Variants in BRINP3 observed in about 807,000 individuals in gnomAD.
BRINP3 encodes BMP/retinoic acid-inducible neural-specific protein 3.
Under a neutral mutation model 71.0 loss-of-function variants are expected in BRINP3, and 19 were observed. The observed-to-expected ratio is 0.27, with a 90% CI of 0.19 to 0.39. The LOEUF (loss-of-function observed/expected upper bound fraction) is 0.39, where lower values mean the gene tolerates loss of function less well. Ranked by LOEUF, BRINP3 falls within the 10% of genes least tolerant of loss-of-function variation. The pLI is 1.00. For missense variants in BRINP3, 959 were observed against 940.8 expected (o/e 1.02, Z -0.25); for synonymous variants, 380 against 337.7 (o/e 1.13, Z -1.37).
Position 190,255,191 on chromosome 1 carries a change from A to G in BRINP3, c.618+9674T>C, listed in dbSNP as rs576623635. Among the ~76,000 whole-genome samples, 12 of 147,276 alleles carry G rather than the reference A, an allele frequency of 8.1e-5. No individual in the cohort carries two copies. The East Asian group carries it at 2.2e-3, about 27-fold the overall frequency. On this transcript the variant is annotated intron_variant, in intron 4 of 7. Transcript: ENST00000367462. ...TCGGTTTGCCAGTATTTCGTTGAGGATTTTCACATTGATGTTCATCAGGGA... is the reference window on the plus strand; with the variant it reads ...TCGGTTTGCCAGTATTTCGTTGAGGGTTTTCACATTGATGTTCATCAGGGA...
intron 1 of BRINP3, among the ~76,000 whole-genome samples, chr1:190,470,515 T>C (rs1051797686): frequency 1.3e-5 from 2 of 151,074 alleles, no homozygotes; most frequent in Admixed American, 1.3e-4. Context: ...CTGAGTTAAT[T>C]AGGGTTTAGG....
chr1:190,131,768 A>G (rs1183364585), intron 7 of BRINP3, among the ~76,000 whole-genome samples: 1 of 152,088 alleles, frequency 6.6e-6, no homozygotes, highest in African/African-American at 2.4e-5. Context: ...TCCTATCTAC[A>G]AATGCATTTT....
intron 2 of BRINP3, among the ~76,000 whole-genome samples, chr1:190,343,453 T>C (rs1224134508): frequency 4.6e-5 from 7 of 151,908 alleles, no homozygotes; most frequent in African/African-American, 1.7e-4. Context: ...TCAGTTATCC[T>C]TTCCAAAACT....
At chr1:190,423,215 C>T (rs939847409) in intron 2 of BRINP3, among the ~76,000 whole-genome samples, 1 of 150,340 alleles carries the variant, frequency 6.7e-6, no homozygotes. Flanking sequence ...CATTAAGGGC[C>T]CTATGACTCC....
intron 2 of BRINP3, among the ~76,000 whole-genome samples, chr1:190,285,759 A>G (rs1385255829): frequency 6.6e-6 from 1 of 151,848 alleles, no homozygotes; most frequent in Non-Finnish European, 1.5e-5. Flanking sequence ...GACAAGATTC[A>G]CCTCAGTTAC....
At chr1:190,285,095 C>G (rs943297634) in intron 2 of BRINP3, among the ~76,000 whole-genome samples, 2 of 152,012 alleles carry the variant, frequency 1.3e-5, no homozygotes, top group Non-Finnish European at 2.9e-5. Context: ...GAAATATGAT[C>G]ACTGTTATAA....
intron 2 of BRINP3, among the ~76,000 whole-genome samples, chr1:190,432,155 T>G (rs1364915767): frequency 6.6e-6 from 1 of 152,170 alleles, no homozygotes; most frequent in East Asian, 1.9e-4. Flanking sequence ...AATCTTTCTA[T>G]CCATACTTTA....
rs192572581 is a variant in BRINP3, at chr1:190,157,089, C to T, written c.1184+3579G>A. On this transcript the variant is annotated intron_variant, in intron 7 of 7. Coordinates refer to ENST00000367462, the MANE Select transcript of BRINP3 (RefSeq NM_199051.3). Reference sequence around the variant, plus strand: ...GATAATACAGTCTTCCCTCAGTATCCCAAGAGGATTGGTTCCAGGAATTCC... The same window carrying T: ...GATAATACAGTCTTCCCTCAGTATCTCAAGAGGATTGGTTCCAGGAATTCC... Among the ~76,000 whole-genome samples the T allele has an allele frequency of 5.9e-5, 9 of 151,694 alleles. No individual in the cohort carries two copies. In the East Asian group the frequency reaches 9.7e-4, roughly 16 times the overall value.
At chr1:190,276,071 C>T (rs1214689322) in intron 3 of BRINP3, among the ~76,000 whole-genome samples, 3 of 151,366 alleles carry the variant, frequency 2.0e-5, no homozygotes, top group African/African-American at 7.3e-5. Context: ...CAGTCCTTTT[C>T]TCCCTTCAAT....
At position 190,216,768 on chromosome 1, in the gene BRINP3, T is replaced by A. The variant is rs143540139; in HGVS notation, c.961+9314A>T. 3.1e-4 allele frequency among the ~76,000 whole-genome samples: 47 copies of A among 152,010 alleles called. 1 individual carries two copies. In the East Asian group the frequency reaches 8.9e-3, roughly 29 times the overall value. On this transcript the variant is annotated intron_variant, in intron 6 of 7. Coordinates refer to ENST00000367462, the MANE Select transcript of BRINP3 (RefSeq NM_199051.3). Reference sequence around the variant, plus strand: ...TGACCTAATGAAATATGCAAATTACTTCCTTCTTTTTGTATGGTACCAGTT... The same window carrying A: ...TGACCTAATGAAATATGCAAATTACATCCTTCTTTTTGTATGGTACCAGTT...
intron 7 of BRINP3, among the ~76,000 whole-genome samples, chr1:190,103,107 ACTTTACAGCCATACTTTACC>A (rs1651838447): frequency 6.6e-6 from 1 of 152,062 alleles, no homozygotes; most frequent in Admixed American, 6.6e-5. Flanking sequence ...TGAATATCTG[ACTTTACAGCCATACTTTACC>A]CTGTGCCCTG....
intron 6 of BRINP3, among the ~76,000 whole-genome samples, chr1:190,162,195 ATTT>A (rs200789147): frequency 6.9e-6 from 1 of 144,470 alleles, no homozygotes. Context: ...TAATAGATGC[ATTT>A]TTTTTTTTTT....
chr1:190,390,890 G>A (rs1671210741), intron 2 of BRINP3, among the ~76,000 whole-genome samples: 1 of 151,858 alleles, frequency 6.6e-6, no homozygotes, highest in African/African-American at 2.4e-5. Flanking sequence ...TTAATGTTTA[G>A]CATATGAGTG....
chr1:190,252,517 C>G (rs911288494), intron 4 of BRINP3, among the ~76,000 whole-genome samples: 5 of 152,016 alleles, frequency 3.3e-5, no homozygotes, highest in Non-Finnish European at 7.4e-5. Context: ...CTTTTCAAAG[C>G]TGTTTCAGCA....
At chr1:190,386,626 A>G (rs1255769740) in intron 2 of BRINP3, among the ~76,000 whole-genome samples, 2 of 152,022 alleles carry the variant, frequency 1.3e-5, no homozygotes, top group East Asian at 3.9e-4. Flanking sequence ...CTGAATAAGT[A>G]CACCAGCTCT....
intron 7 of BRINP3, among the ~76,000 whole-genome samples, chr1:190,122,153 T>C (rs892886717): frequency 5.9e-5 from 9 of 152,180 alleles, no homozygotes; most frequent in African/African-American, 2.2e-4. Flanking sequence ...CTCTTTTTAG[T>C]ATCATTTTCT....
chr1:190,101,563 C>G (rs1228789349), intron 7 of BRINP3, among the ~76,000 whole-genome samples: 2 of 152,004 alleles, frequency 1.3e-5, no homozygotes, highest in African/African-American at 4.8e-5. Flanking sequence ...CTTTTTCTTT[C>G]TTCCTTTTTC....
intron 2 of BRINP3, among the ~76,000 whole-genome samples, chr1:190,386,391 G>T (rs1014509471): frequency 3.0e-4 from 45 of 151,288 alleles, no homozygotes; most frequent in Middle Eastern, 6.8e-3. Context: ...AAGTATAAGG[G>T]AATAAAGGAA....
chr1:190,257,834 C>A (rs1660806457), intron 4 of BRINP3, among the ~76,000 whole-genome samples: 1 of 152,098 alleles, frequency 6.6e-6, no homozygotes, highest in African/African-American at 2.4e-5. Context: ...AATATTGCTG[C>A]CTGTTCCTTC....
Sources: allele counts gnomAD v4.1 joint callset (sites outside exome capture counted in the v4.1 genomes callset), GRCh38; gene constraint gnomAD v4.1.1; transcripts MANE v1.5; gene names NCBI Gene and HGNC (gene_info 2026-07-23, HGNC 2026-07-21).